Variants in CPE observed in about 807,000 individuals in gnomAD.
The protein encoded by CPE is carbocypeptidase E.
In CPE, 17 loss-of-function variants were observed where a neutral mutation model predicts 53.5. The ratio of observed to expected loss-of-function variants is 0.32; its 90% CI spans 0.22 to 0.48. The LOEUF is 0.48. Among genes scored for constraint, CPE ranks in the 20% least tolerant of loss-of-function variants. The pLI, the probability that CPE is intolerant of heterozygous loss-of-function variation, is 0.99. For synonymous variants in CPE, 226 were observed against 228.8 expected (o/e 0.99, Z 0.11); for missense variants, 524 against 614.7 (o/e 0.85, Z 1.56).
rs554423348 is a variant in CPE, at chr4:165,396,643, C to T, written c.307+17115C>T. ...ATGAGATTGTGCCACTGCACTCCAG[C>T]CTGGGCAACAGAGCCAGATTCTGTC... On this transcript the variant is annotated intron_variant, in intron 1 of 8. Coordinates refer to ENST00000402744, the MANE Select transcript of CPE (RefSeq NM_001873.4). Among the ~76,000 whole-genome samples the T allele has an allele frequency of 1.3e-4, 19 of 148,694 alleles. No homozygotes were observed. The South Asian group carries it at 4.1e-3, about 32-fold the overall frequency.
intron 1 of CPE, among the ~76,000 whole-genome samples, chr4:165,451,869 T>C (rs1731817693): frequency 6.6e-6 from 1 of 152,046 alleles, no homozygotes; most frequent in African/African-American, 2.4e-5. Context: ...ATATACAATG[T>C]TAGTTCTGAA....
intron 4 of CPE, among the ~76,000 whole-genome samples, chr4:165,483,725 T>C (rs933616837): frequency 1.3e-5 from 2 of 152,178 alleles, no homozygotes; most frequent in Non-Finnish European, 2.9e-5. Context: ...ATTAGTGATG[T>C]TGAGGATTTT....
chr4:165,437,741 T>C (rs1370679), intron 1 of CPE, among the ~76,000 whole-genome samples: 55,827 of 151,496 alleles, frequency 0.37, 10,418 homozygotes, highest in Middle Eastern at 0.47. Flanking sequence ...GGGAGCAGAG[T>C]GTGGGGTGTG....
intron 3 of CPE, among the ~76,000 whole-genome samples, chr4:165,481,007 TATATA>T (rs1404434882): frequency 6.6e-4 from 37 of 56,166 alleles, no homozygotes; most frequent in Non-Finnish European, 1.1e-3. Flanking sequence ...TATATATATA[TATATA>T]TATATTTTTT....
At position 165,467,781 on chromosome 4, in the gene CPE, G is replaced by A. The variant is rs147923491; in HGVS notation, c.598G>A (p.Val200Met). 197 of 1,613,802 alleles carry A rather than the reference G, an allele frequency of 1.2e-4. No homozygotes were observed. The African/African-American group carries it at 2.1e-3, about 17-fold the overall frequency. The stretch of plus-strand genomic sequence containing the variant: ...TCCAGACCTGGATAGGATAGTGTAC[G>A]TGAATGAGAAAGAAGGTGGTCCAAA... ...NFPDLDRIVY[V>M]NEKEGGPNNH... The change falls in exon 3 of 9, where the codon GTG becomes ATG. Residue 200 changes from valine to methionine, a missense_variant. Val to Met is a conservative substitution (Grantham distance 21, BLOSUM62 1). Coordinates refer to ENST00000402744, the MANE Select transcript of CPE (RefSeq NM_001873.4).
intron 1 of CPE, among the ~76,000 whole-genome samples, chr4:165,381,030 C>T (rs1020981660): frequency 4.6e-5 from 7 of 152,194 alleles, no homozygotes; most frequent in Non-Finnish European, 7.3e-5. Context: ...TTGTGAGTCT[C>T]CTGCTGCTTA....
At chr4:165,434,341 A>G (rs1731460464) in intron 1 of CPE, among the ~76,000 whole-genome samples, 1 of 152,306 alleles carries the variant, frequency 6.6e-6, no homozygotes, top group South Asian at 2.1e-4. Context: ...TATAATGTGA[A>G]CATTGATATT....
chr4:165,485,817 A>G (rs1313483488), intron 5 of CPE, among the ~76,000 whole-genome samples: 1 of 152,258 alleles, frequency 6.6e-6, no homozygotes, highest in Non-Finnish European at 1.5e-5. Flanking sequence ...TTCTGTATAT[A>G]GTGAATAACA....
chr4:165,388,687 G>A (rs968113242), intron 1 of CPE, among the ~76,000 whole-genome samples: 18 of 152,212 alleles, frequency 1.2e-4, no homozygotes, highest in African/African-American at 4.1e-4. Flanking sequence ...TATTCTTAAT[G>A]TAGCAAACAC....
chr4:165,464,579 C>T lies in CPE; in HGVS notation c.497C>T (p.Ala166Val), dbSNP rs780735154. The T allele has an allele frequency of 9.3e-6, 15 of 1,608,634 alleles. No homozygotes were observed. The African/African-American group carries it at 1.6e-4, about 17-fold the overall frequency. The change falls in exon 2 of 9, where the codon GCG (alanine) becomes GTG (valine). Residue 166 changes from alanine to valine, a missense_variant. Ala to Val is a moderately conservative substitution (Grantham distance 64). Transcript: ENST00000402744. The part of the protein sequence containing the change: ...SLNPDGFEKA[A>V]SQPGELKDWF... ...AACCCAGATGGCTTTGAGAAGGCAGCGTCTCAGGTGAGTGCCAGGCAGCTC... is the reference window on the plus strand; with the variant it reads ...AACCCAGATGGCTTTGAGAAGGCAGTGTCTCAGGTGAGTGCCAGGCAGCTC...
At position 165,464,538 on chromosome 4, in the gene CPE, C is replaced by T; in HGVS notation, c.456C>T (p.His152=). ...IVNLIHSTRI[H]IMPSLNPDGF... ...ACCTGATCCACAGTACCCGCATTCA[C>T]ATCATGCCTTCCCTGAACCCAGATG... Residue 152 remains histidine (H), a synonymous_variant, in exon 2 of 9, where the codon CAC becomes CAT. Coordinates refer to ENST00000402744, the MANE Select transcript of CPE (RefSeq NM_001873.4). 2.5e-6 allele frequency: 4 copies of T among 1,613,498 alleles called. No individual in the cohort carries two copies. Among genetic ancestry groups the T allele is most frequent in the Non-Finnish European group, 2.5e-6 (3 of 1,179,670 alleles).
chr4:165,472,606 A>G (rs1275089720), intron 3 of CPE, among the ~76,000 whole-genome samples: 1 of 152,246 alleles, frequency 6.6e-6, no homozygotes, highest in Non-Finnish European at 1.5e-5. Flanking sequence ...CAATTTGTGG[A>G]AAAACTGAAC....
intron 3 of CPE, among the ~76,000 whole-genome samples, chr4:165,471,974 G>A (rs1261760650): frequency 1.3e-5 from 2 of 152,172 alleles, no homozygotes; most frequent in Non-Finnish European, 2.9e-5. Flanking sequence ...CATTAGTTAA[G>A]AATACCCACA....
chr4:165,394,116 C>T (rs1730727629), intron 1 of CPE, among the ~76,000 whole-genome samples: 1 of 152,006 alleles, frequency 6.6e-6, no homozygotes, highest in African/African-American at 2.4e-5. Flanking sequence ...TCAAGAGAAA[C>T]TTTGGGGAAA....
At chr4:165,453,254 G>A (rs949492000) in intron 1 of CPE, among the ~76,000 whole-genome samples, 1 of 151,968 alleles carries the variant, frequency 6.6e-6, no homozygotes, top group Non-Finnish European at 1.5e-5. Flanking sequence ...ACCATGCCTG[G>A]CCAATTTTCT....
At chr4:165,443,741 G>A (rs1731655624) in intron 1 of CPE, among the ~76,000 whole-genome samples, 2 of 152,184 alleles carry the variant, frequency 1.3e-5, no homozygotes, top group Admixed American at 1.3e-4. Flanking sequence ...TGAGGTACTG[G>A]GGGATAAGGC....
intron 1 of CPE, among the ~76,000 whole-genome samples, chr4:165,451,393 A>G (rs1731804688): frequency 6.6e-6 from 1 of 152,078 alleles, no homozygotes; most frequent in East Asian, 1.9e-4. Context: ...TTTATTAGCT[A>G]CCCACTAGTG....
intron 6 of CPE, among the ~76,000 whole-genome samples, chr4:165,491,691 A>T (rs1464492163): frequency 1.3e-5 from 2 of 152,176 alleles, no homozygotes; most frequent in African/African-American, 4.8e-5. Flanking sequence ...TTGCAACATT[A>T]AAAAATTACA....
chr4:165,453,016 G>A (rs992227635), intron 1 of CPE, among the ~76,000 whole-genome samples: 7 of 151,718 alleles, frequency 4.6e-5, no homozygotes, highest in African/African-American at 9.7e-5. Flanking sequence ...TCACTCTGTC[G>A]CCCAGGCTGG....
Sources: allele counts gnomAD v4.1 joint callset (sites outside exome capture counted in the v4.1 genomes callset), GRCh38; gene constraint gnomAD v4.1.1; transcripts MANE v1.5; gene names NCBI Gene and HGNC (gene_info 2026-07-23, HGNC 2026-07-21).